The following CFAP20DC variants were observed in gnomAD, a reference collection of about 807,000 sequenced individuals.
CFAP20DC encodes CFAP20 domain containing.
A neutral mutation model predicts 101.7 loss-of-function variants in CFAP20DC; 84 were observed. The observed-to-expected ratio is 0.83, with a 90% CI of 0.69 to 0.99. CFAP20DC has a LOEUF of 0.99. Among genes scored for constraint, CFAP20DC ranks in the 50% least tolerant of loss-of-function variants. The probability of loss-of-function intolerance (pLI) is 0.00; values close to 1 mark genes in which losing one functional copy is unlikely to be tolerated. For missense variants in CFAP20DC, 1,007 were observed against 970.3 expected (o/e 1.04, Z -0.50); for synonymous variants, 359 against 351.2 (o/e 1.02, Z -0.25).
intron 3 of CFAP20DC, among the ~76,000 whole-genome samples, chr3:58,736,535 C>G (rs1264475225): frequency 2.0e-5 from 3 of 152,146 alleles, no homozygotes. Flanking sequence ...TTTTTCCCTC[C>G]TGGAATTCTT....
intron 4 of CFAP20DC, among the ~76,000 whole-genome samples, chr3:58,988,324 T>A (rs982251567): frequency 2.6e-5 from 4 of 152,204 alleles, no homozygotes; most frequent in African/African-American, 9.6e-5. Context: ...TTTTAGATCC[T>A]GTATCAGTCA....
chr3:58,984,398 T>C (rs1436310909), intron 4 of CFAP20DC, among the ~76,000 whole-genome samples: 1 of 152,164 alleles, frequency 6.6e-6, no homozygotes, highest in Non-Finnish European at 1.5e-5. Context: ...GGAATAATTA[T>C]TATTCTTAGC....
rs929053272 is a variant in CFAP20DC at position 59,002,049 on chromosome 3, T to C, written c.278+37508A>G. On this transcript the variant is annotated intron_variant, in intron 4 of 16. Coordinates refer to ENST00000482387, the MANE Select transcript of CFAP20DC (RefSeq NM_001394063.1). This position sits in a 1 kb window ranked among gnomAD's most constrained non-coding sequence, Gnocchi z 4.5. ...GTGTGGTTGGCCACCATCTTAATCG[T>C]TTACCTAGGAGGCAATATCATGAAG... Among the ~76,000 whole-genome samples, 1 of 152,206 alleles carries C rather than the reference T, an allele frequency of 6.6e-6. No individual in the cohort carries two copies. Among genetic ancestry groups the C allele is most frequent in the Non-Finnish European group, 1.5e-5 (1 of 68,030 alleles).
At chr3:58,990,655 T>C (rs2092908435) in intron 4 of CFAP20DC, among the ~76,000 whole-genome samples, 1 of 152,154 alleles carries the variant, frequency 6.6e-6, no homozygotes. Context: ...TCTGAAATTC[T>C]CTAAAATCTG....
At chr3:58,807,092 C>T (rs967542332) in intron 14 of CFAP20DC, among the ~76,000 whole-genome samples, 1 of 152,206 alleles carries the variant, frequency 6.6e-6, no homozygotes, top group Non-Finnish European at 1.5e-5. Context: ...GAGCCCACCA[C>T]AACTCAAGGA....
At chr3:58,730,483 A>C (rs931050748) in intron 3 of CFAP20DC, among the ~76,000 whole-genome samples, 2 of 152,148 alleles carry the variant, frequency 1.3e-5, no homozygotes, top group Admixed American at 1.3e-4. Flanking sequence ...CCAGGTGATA[A>C]AGGCCGGGGG....
chr3:58,860,189 AAAAAAG>A (rs2079134999), intron 12 of CFAP20DC, among the ~76,000 whole-genome samples: 7 of 151,502 alleles, frequency 4.6e-5, no homozygotes, highest in Admixed American at 3.9e-4. Context: ...AAAAAAAAAA[AAAAAAG>A]AAAGAAAAAA....
At chr3:58,750,870 C>T (rs73078041) in intron 16 of CFAP20DC, among the ~76,000 whole-genome samples, 11 of 152,196 alleles carry the variant, frequency 7.2e-5, no homozygotes, top group East Asian at 1.9e-4. Context: ...TTAAGAGCCA[C>T]GGCATAAGGT....
intron 7 of CFAP20DC, among the ~76,000 whole-genome samples, chr3:58,878,729 G>C (rs916475434): frequency 5.9e-5 from 9 of 152,144 alleles, no homozygotes; most frequent in Admixed American, 5.2e-4. Flanking sequence ...ATGCACCTCT[G>C]TGCTGGGCGG....
rs2093449670 is a variant in CFAP20DC at position 59,006,993 on chromosome 3, C to T, written c.278+32564G>A. Among the ~76,000 whole-genome samples, 1 of 152,164 alleles carries T rather than the reference C, an allele frequency of 6.6e-6. No individual in the cohort carries two copies. Among genetic ancestry groups the T allele is most frequent in the South Asian group, 2.1e-4 (1 of 4,832 alleles). On this transcript the variant is annotated intron_variant, in intron 4 of 16. Coordinates refer to ENST00000482387, the MANE Select transcript of CFAP20DC (RefSeq NM_001394063.1). The surrounding 1 kb of genome is among the most constrained non-coding windows in gnomAD (Gnocchi z 4.3). ...AGGCTAACTGGAGCTAAACTCAGTG[C>T]TGTTAGTGGGGCACTGCGAGAGCGA... is the stretch of plus-strand genomic sequence containing the variant.
intron 15 of CFAP20DC, among the ~76,000 whole-genome samples, chr3:58,797,267 A>G (rs1195915895): frequency 6.6e-6 from 1 of 152,204 alleles, no homozygotes; most frequent in African/African-American, 2.4e-5. Flanking sequence ...AAAGTTCTCG[A>G]AGGAAATTCG....
At chr3:58,751,749 G>A (rs1194877958) in intron 16 of CFAP20DC, among the ~76,000 whole-genome samples, 1 of 152,068 alleles carries the variant, frequency 6.6e-6, no homozygotes, top group Non-Finnish European at 1.5e-5. Context: ...GGGCCAGGCT[G>A]CTTGGGTTCA....
chr3:58,787,864 A>C (rs1428524491), intron 15 of CFAP20DC, among the ~76,000 whole-genome samples: 1 of 152,026 alleles, frequency 6.6e-6, no homozygotes, highest in Non-Finnish European at 1.5e-5. Context: ...GGACACCATC[A>C]TTCTCAGCAA....
intron 4 of CFAP20DC, among the ~76,000 whole-genome samples, chr3:59,033,826 T>C: frequency 6.6e-6 from 1 of 152,216 alleles, no homozygotes; most frequent in East Asian, 1.9e-4. Flanking sequence ...CAGGCCAACA[T>C]TCAAATTCAG....
chr3:58,761,944 G>T (rs1201818535), intron 15 of CFAP20DC, among the ~76,000 whole-genome samples: 2 of 152,072 alleles, frequency 1.3e-5, no homozygotes, highest in African/African-American at 4.8e-5. Context: ...GCTGAGGAGT[G>T]CTTTACTTCC....
At chr3:58,826,472 C>T (rs1170986570) in intron 14 of CFAP20DC, among the ~76,000 whole-genome samples, 2 of 152,072 alleles carry the variant, frequency 1.3e-5, no homozygotes, top group South Asian at 2.1e-4. Context: ...TACACTCCGA[C>T]GGGCACTGCT....
chr3:58,840,916 G>C (rs1055404166), intron 13 of CFAP20DC, among the ~76,000 whole-genome samples: 1 of 152,244 alleles, frequency 6.6e-6, no homozygotes, highest in Non-Finnish European at 1.5e-5. Context: ...AAAGAACAAA[G>C]CCAGGACTCA....
At chr3:58,947,027 G>A (rs1038065188) in intron 4 of CFAP20DC, among the ~76,000 whole-genome samples, 13 of 152,296 alleles carry the variant, frequency 8.5e-5, no homozygotes, top group Admixed American at 5.9e-4. Flanking sequence ...TAGATAGTAC[G>A]TAGCAGAGCC....
At chr3:58,812,946 A>T (rs2074785802) in intron 14 of CFAP20DC, among the ~76,000 whole-genome samples, 1 of 151,930 alleles carries the variant, frequency 6.6e-6, no homozygotes, top group Non-Finnish European at 1.5e-5. Flanking sequence ...ACAAAACCAA[A>T]CAAGATATCT....
Sources: allele counts gnomAD v4.1 joint callset (sites outside exome capture counted in the v4.1 genomes callset), GRCh38; gene constraint gnomAD v4.1.1; non-coding constraint Gnocchi (gnomAD v3.1); transcripts MANE v1.5; gene names NCBI Gene and HGNC (gene_info 2026-07-23, HGNC 2026-07-21).